AKAP6: variants seen among roughly 807,000 people sequenced by gnomAD.
AKAP6 encodes the protein A-kinase anchor protein 6.
A neutral mutation model predicts 188.5 loss-of-function variants in AKAP6; 58 were observed. The ratio of observed to expected loss-of-function variants is 0.31; its 90% confidence interval spans 0.25 to 0.38. AKAP6 has a LOEUF of 0.38. AKAP6 is among the 10% of genes least tolerant of loss of function. The pLI, the probability that AKAP6 is intolerant of heterozygous loss-of-function variation, is 1.00. For synonymous variants in AKAP6, 989 were observed against 998.6 expected (o/e 0.99, Z 0.18); for missense variants, 2,710 against 2,740.0 (o/e 0.99, Z 0.24).
chr14:32,413,255 C>T (rs1889552093), intron 1 of AKAP6, among the ~76,000 whole-genome samples: 1 of 142,222 alleles, frequency 7.0e-6, no homozygotes, highest in Non-Finnish European at 1.5e-5. Flanking sequence ...GATCATGATT[C>T]ACTGCAGCCT....
At chr14:32,361,775 T>C (rs1887672887) in intron 1 of AKAP6, among the ~76,000 whole-genome samples, 1 of 152,202 alleles carries the variant, frequency 6.6e-6, no homozygotes, top group African/African-American at 2.4e-5. Context: ...TGTTCATTTA[T>C]TATCAGTTGA....
chr14:32,425,560 G>A (rs902687766), intron 1 of AKAP6, among the ~76,000 whole-genome samples: 2 of 151,650 alleles, frequency 1.3e-5, no homozygotes, highest in Admixed American at 6.6e-5. Flanking sequence ...CTGCATCCCA[G>A]CCAGGGCAAC....
chr14:32,514,403 A>G (rs1261713309), intron 2 of AKAP6, among the ~76,000 whole-genome samples: 1 of 152,228 alleles, frequency 6.6e-6, no homozygotes, highest in East Asian at 1.9e-4. Flanking sequence ...ACACATCCTT[A>G]GAAGCTGTGC....
chr14:32,508,337 G>T (rs1156281950), intron 2 of AKAP6, among the ~76,000 whole-genome samples: 2 of 152,216 alleles, frequency 1.3e-5, no homozygotes, highest in Admixed American at 6.5e-5. Context: ...AGGCTATGCT[G>T]ATAGTTCATA....
intron 1 of AKAP6, among the ~76,000 whole-genome samples, chr14:32,412,928 C>T (rs890394596): frequency 6.6e-6 from 1 of 152,076 alleles, no homozygotes; most frequent in East Asian, 1.9e-4. Flanking sequence ...ACTTTTTTCT[C>T]AATCTTGAAA....
At chr14:32,748,020 T>C (rs1037319458) in intron 11 of AKAP6, among the ~76,000 whole-genome samples, 4 of 152,216 alleles carry the variant, frequency 2.6e-5, no homozygotes, top group African/African-American at 9.6e-5. Flanking sequence ...CACCCATCTT[T>C]ACTTATTGTC....
intron 1 of AKAP6, among the ~76,000 whole-genome samples, chr14:32,355,570 A>T (rs1887454167): frequency 6.6e-6 from 1 of 152,210 alleles, no homozygotes; most frequent in African/African-American, 2.4e-5. Flanking sequence ...TTAGAAAAAT[A>T]TTTCTAAAAA....
intron 1 of AKAP6, among the ~76,000 whole-genome samples, chr14:32,345,222 C>T (rs17098817): frequency 0.04 from 6,048 of 152,112 alleles, 379 homozygotes; most frequent in African/African-American, 0.13. Flanking sequence ...TCTCTAATAC[C>T]GATTCAGTTC....
At chr14:32,755,907 G>A (rs75280545) in intron 11 of AKAP6, among the ~76,000 whole-genome samples, 3,734 of 152,318 alleles carry the variant, frequency 0.025, 138 homozygotes, top group African/African-American at 0.084. Flanking sequence ...GATTATTTGT[G>A]ATCCTTGGGG....
intron 1 of AKAP6, among the ~76,000 whole-genome samples, chr14:32,357,368 A>C (rs546954246): frequency 1.3e-5 from 2 of 152,328 alleles, no homozygotes; most frequent in South Asian, 4.1e-4. Flanking sequence ...TATGAGTTCT[A>C]TATATAAAAG....
intron 1 of AKAP6, among the ~76,000 whole-genome samples, chr14:32,346,381 T>C (rs1887066137): frequency 1.3e-5 from 2 of 152,262 alleles, no homozygotes; most frequent in South Asian, 4.1e-4. Flanking sequence ...ACTTGAGTTG[T>C]ACAAATTAAA....
chr14:32,790,129 G>A (rs2033564044), intron 12 of AKAP6, among the ~76,000 whole-genome samples: 1 of 152,138 alleles, frequency 6.6e-6, no homozygotes, highest in Admixed American at 6.5e-5. Context: ...CTCAGAGCCT[G>A]AAGACTATCT....
intron 11 of AKAP6, among the ~76,000 whole-genome samples, chr14:32,771,744 GTTA>G (rs1196926676): frequency 6.6e-6 from 1 of 152,142 alleles, no homozygotes; most frequent in African/African-American, 2.4e-5. Flanking sequence ...AAGAAATACA[GTTA>G]TTATGCTAGT....
rs578001414 is a variant in AKAP6, at chr14:32,353,300, C to A, written c.-35+23892C>A. Among the ~76,000 whole-genome samples the A allele has an allele frequency of 3.3e-5, 5 of 152,290 alleles. No individual in the cohort carries two copies. In the East Asian group the frequency reaches 9.7e-4, roughly 29 times the overall value. On this transcript the variant is annotated intron_variant, in intron 1 of 13. Coordinates refer to ENST00000280979, the MANE Select transcript of AKAP6 (RefSeq NM_004274.5). ...CTTTTTGGCCAGGCGCAGTGGCTCA[C>A]GCCTGTAATCCCAGCACTTTGGGAA...
intron 9 of AKAP6, among the ~76,000 whole-genome samples, chr14:32,725,094 A>G (rs2030802400): frequency 6.7e-6 from 1 of 148,836 alleles, no homozygotes; most frequent in Admixed American, 6.9e-5. Flanking sequence ...CAAATGGTTC[A>G]CATGCCTTCA....
intron 9 of AKAP6, among the ~76,000 whole-genome samples, chr14:32,729,756 T>C (rs2031080540): frequency 6.6e-6 from 1 of 152,190 alleles, no homozygotes; most frequent in African/African-American, 2.4e-5. Context: ...AATTAAATAC[T>C]GGATGCTTAT....
rs749414687 is a variant in AKAP6 at position 32,568,255 on chromosome 14, A to C, written c.2347-8865A>C. On this transcript the variant is annotated intron_variant, in intron 4 of 13. Transcript: ENST00000280979. The surrounding 1 kb of genome is among the most constrained non-coding windows in gnomAD (Gnocchi z 6.2). ...AATCTGGTTAGAGAGAGAATATAGC[A>C]CAGTAGTCCAGAGCTTAGACCCTGG... Among the ~76,000 whole-genome samples, 1 of 152,278 alleles carries C rather than the reference A, an allele frequency of 6.6e-6. No homozygotes were observed. The highest frequency in any genetic ancestry group is 2.1e-4 in the South Asian group (1 of 4,822).
At chr14:32,467,116 G>A (rs1202944391) in intron 2 of AKAP6, among the ~76,000 whole-genome samples, 2 of 150,324 alleles carry the variant, frequency 1.3e-5, no homozygotes, top group East Asian at 2.0e-4. Flanking sequence ...TTACCTCGGT[G>A]ACGAGACAAT....
chr14:32,563,303 G>A (rs974372842), intron 4 of AKAP6, among the ~76,000 whole-genome samples: 1 of 152,172 alleles, frequency 6.6e-6, no homozygotes, highest in Non-Finnish European at 1.5e-5. Flanking sequence ...TTGTAAGCAG[G>A]TGACTTGACC....
Sources: gnomAD v4.1 joint callset for allele counts (sites outside exome capture counted in the v4.1 genomes callset) on GRCh38, gnomAD v4.1.1 for gene constraint, Gnocchi (gnomAD v3.1) non-coding constraint, MANE v1.5 for transcripts, NCBI Gene and HGNC (gene_info 2026-07-23, HGNC 2026-07-21) for gene names.